Variants in KCNMA1 observed in about 807,000 individuals in gnomAD.
KCNMA1 encodes potassium calcium-activated channel subfamily M alpha 1.
In KCNMA1, 29 loss-of-function variants were observed where a neutral mutation model predicts 140.0. The observed-to-expected ratio is 0.21, with a 90% CI of 0.15 to 0.28. The LOEUF is 0.28. Among genes scored for constraint, KCNMA1 ranks in the 10% least tolerant of loss-of-function variants. KCNMA1 has a pLI of 1.00. For missense variants in KCNMA1, 880 were observed against 1,602.2 expected, an observed-to-expected ratio of 0.55 and a Z score of 7.70; for synonymous variants, 612 against 611.9, an observed-to-expected ratio of 1.00 and a Z score of 0.00.
intron 19 of KCNMA1, among the ~76,000 whole-genome samples, chr10:76,971,395 TA>T (rs1476890492): frequency 6.6e-6 from 1 of 152,188 alleles, no homozygotes; most frequent in African/African-American, 2.4e-5. Context: ...CTGAAAACGC[TA>T]AATAAATTTA....
chr10:77,068,165 G>A (rs769721552), intron 14 of KCNMA1, among the ~76,000 whole-genome samples: 1 of 152,206 alleles, frequency 6.6e-6, no homozygotes, highest in Non-Finnish European at 1.5e-5. Context: ...GTAAAAGGAG[G>A]ATAATAATAG....
intron 3 of KCNMA1, among the ~76,000 whole-genome samples, chr10:77,240,306 G>A (rs767603998): frequency 3.9e-5 from 6 of 152,150 alleles, no homozygotes; most frequent in Non-Finnish European, 5.9e-5. Context: ...GTAAGCTGTA[G>A]ATGATTTATT....
At chr10:77,533,825 G>GTGAC (rs1329463817) in intron 1 of KCNMA1, among the ~76,000 whole-genome samples, 2 of 152,200 alleles carry the variant, frequency 1.3e-5, no homozygotes, top group African/African-American at 4.8e-5. Flanking sequence ...CTATAAATGT[G>GTGAC]TGACTGTTCC....
intron 20 of KCNMA1, among the ~76,000 whole-genome samples, chr10:76,969,133 G>T (rs1565259256): frequency 6.6e-6 from 1 of 151,976 alleles, no homozygotes; most frequent in Non-Finnish European, 1.5e-5. Flanking sequence ...GACAAAAAGG[G>T]GAGATAAAAG....
chr10:77,079,584 T>C lies in KCNMA1; in HGVS notation c.1524-34A>G, dbSNP rs945129831. The C allele has an allele frequency of 7.8e-6, 11 of 1,404,404 alleles. No homozygotes were observed. In the African/African-American group the frequency reaches 1.6e-4, roughly 20 times the overall value. 87.0% of individuals were successfully genotyped at this position (1,404,404 alleles called of 1,614,324 possible). Reference sequence around the variant, plus strand: ...GAAAGAACCAATGCTGAGACAGGTCTGCCTTATGCATGGTGTCTGACAAAA... The same window carrying C: ...GAAAGAACCAATGCTGAGACAGGTCCGCCTTATGCATGGTGTCTGACAAAA... On this transcript the variant is annotated intron_variant, in intron 12 of 27. Coordinates refer to ENST00000286628, the MANE Select transcript of KCNMA1 (RefSeq NM_001161352.2).
chr10:77,555,836 C>A (rs1461555910), intron 1 of KCNMA1, among the ~76,000 whole-genome samples: 2 of 143,840 alleles, frequency 1.4e-5, no homozygotes, highest in Admixed American at 1.4e-4. Flanking sequence ...GAGGTTAGTG[C>A]TAGAGAGGCC....
At chr10:77,057,398 A>C (rs74140274) in intron 14 of KCNMA1, among the ~76,000 whole-genome samples, 1 of 152,174 alleles carries the variant, frequency 6.6e-6, no homozygotes. Context: ...CTCTGAAGGA[A>C]CTGCTAACAT....
chr10:77,599,228 C>A (rs1305978648), intron 1 of KCNMA1, among the ~76,000 whole-genome samples: 4 of 152,210 alleles, frequency 2.6e-5, no homozygotes, highest in Non-Finnish European at 5.9e-5. Context: ...CCACACGGAG[C>A]CTTGGTTTCC....
intron 14 of KCNMA1, among the ~76,000 whole-genome samples, chr10:77,072,251 G>A (rs944491510): frequency 4.6e-5 from 7 of 152,300 alleles, no homozygotes; most frequent in South Asian, 2.1e-4. Context: ...AGCTAGACCC[G>A]TTTTACACAC....
At chr10:77,359,922 T>C (rs1167767576) in intron 2 of KCNMA1, among the ~76,000 whole-genome samples, 2 of 152,090 alleles carry the variant, frequency 1.3e-5, no homozygotes, top group Non-Finnish European at 2.9e-5. Context: ...AACAAACGAA[T>C]GCCAAGGCAG....
intron 17 of KCNMA1, among the ~76,000 whole-genome samples, chr10:77,018,678 G>A (rs777803986): frequency 2.0e-5 from 3 of 152,144 alleles, no homozygotes; most frequent in African/African-American, 7.2e-5. Context: ...TAAGTAAAGA[G>A]CACTAGATAA....
intron 23 of KCNMA1, among the ~76,000 whole-genome samples, chr10:76,941,715 G>A (rs1158933467): frequency 2.0e-5 from 3 of 152,190 alleles, no homozygotes; most frequent in Non-Finnish European, 4.4e-5. Flanking sequence ...TCACTGCTGA[G>A]CATAGAAACA....
In KCNMA1 at chr10:77,488,581, C is replaced by T. The variant is rs181868163; in HGVS notation, c.379-84558G>A. On this transcript the variant is annotated intron_variant, in intron 1 of 27. Transcript: ENST00000286628. ...CTTCTAAACAAAAAGGCTGAGCTGCCGGCTCAGCAGCAGCTCTGTGGGTGC... is the reference window on the plus strand; with the variant it reads ...CTTCTAAACAAAAAGGCTGAGCTGCTGGCTCAGCAGCAGCTCTGTGGGTGC... Among the ~76,000 whole-genome samples the T allele has an allele frequency of 3.4e-3, 524 of 152,234 alleles. 4 individuals carry two copies. Among genetic ancestry groups the T allele is most frequent in the African/African-American group, 0.011 (473 of 41,546 alleles).
chr10:77,171,369 T>C, intron 5 of KCNMA1, among the ~76,000 whole-genome samples: 1 of 148,086 alleles, frequency 6.8e-6, no homozygotes, highest in African/African-American at 2.5e-5. Context: ...CAGAATAGAT[T>C]TCGGAAAGTA....
chr10:76,946,607 G>T (rs1565104362), intron 22 of KCNMA1, among the ~76,000 whole-genome samples: 1 of 152,182 alleles, frequency 6.6e-6, no homozygotes, highest in Non-Finnish European at 1.5e-5. Context: ...TCCAAGCTCT[G>T]GAGCAGCGTC....
At chr10:77,251,374 T>A in intron 2 of KCNMA1, 118 bp from the exon 3 acceptor site, 1 of 772,252 alleles carries the variant, frequency 1.3e-6, no homozygotes, top group Non-Finnish European at 2.3e-6. Flanking sequence ...GGGACCTGCT[T>A]GGAAATCTCA....
chr10:77,020,793 A>AAG (rs1483095143), intron 16 of KCNMA1: 2 of 152,172 alleles, frequency 1.3e-5, no homozygotes, highest in African/African-American at 4.8e-5. Flanking sequence ...CCTTTCCTGC[A>AAG]AGGCAGTTTT....
chr10:77,621,537 C>T (rs943244907), intron 1 of KCNMA1, among the ~76,000 whole-genome samples: 1 of 152,122 alleles, frequency 6.6e-6, no homozygotes, highest in African/African-American at 2.4e-5. Context: ...CACACACACA[C>T]ACACACACAC....
chr10:77,314,220 T>C (rs1258368756), intron 2 of KCNMA1: 1 of 152,154 alleles, frequency 6.6e-6, no homozygotes, highest in African/African-American at 2.4e-5. Flanking sequence ...ATCTAACCAT[T>C]CATCCAGTGA....
Sources: gnomAD v4.1 joint callset for allele counts (sites outside exome capture counted in the v4.1 genomes callset) on GRCh38, gnomAD v4.1.1 for gene constraint, MANE v1.5 for transcripts, NCBI Gene and HGNC (gene_info 2026-07-23, HGNC 2026-07-21) for gene names.